IL1RAPL1: variants seen among roughly 807,000 people sequenced by gnomAD.
IL1RAPL1 encodes the protein interleukin-1 receptor accessory protein-like 1.
A neutral mutation model predicts 48.4 loss-of-function variants in IL1RAPL1; 3 were observed. That is an observed-to-expected ratio of 0.06 (90% CI 0.03 to 0.16). The LOEUF (loss-of-function observed/expected upper bound fraction) is 0.16, where lower values mean the gene tolerates loss of function less well. Ranked by LOEUF, IL1RAPL1 falls within the 10% of genes least tolerant of loss-of-function variation. The pLI is 1.00. For synonymous variants in IL1RAPL1, 185 were observed against 187.7 expected (o/e 0.99, Z 0.12); for missense variants, 349 against 530.6 (o/e 0.66, Z 3.36).
At chrX:28,690,697 C>T (rs1286767734) in intron 1 of IL1RAPL1, among the ~76,000 whole-genome samples, 1 of 111,419 alleles carries the variant, frequency 9.0e-6, no homozygotes, top group African/African-American at 3.3e-5. Context: ...CCCAGCAAAC[C>T]TCATCCTCTC....
intron 2 of IL1RAPL1, among the ~76,000 whole-genome samples, chrX:29,064,657 C>T (rs1387967761): frequency 5.4e-5 from 6 of 111,571 alleles, no homozygotes; most frequent in South Asian, 3.8e-4. Flanking sequence ...TCTCGGCTCA[C>T]GGCAACCTCC....
chrX:28,816,553 T>C (rs1446875062), intron 2 of IL1RAPL1, among the ~76,000 whole-genome samples: 1 of 111,206 alleles, frequency 9.0e-6, no homozygotes, highest in African/African-American at 3.3e-5. Flanking sequence ...CAGCTGCCTC[T>C]ACATTGCTGA....
intron 2 of IL1RAPL1, among the ~76,000 whole-genome samples, chrX:28,904,341 A>T (rs1923161890): frequency 8.9e-6 from 1 of 111,862 alleles, no homozygotes; most frequent in African/African-American, 3.2e-5. Flanking sequence ...TTGGAATGGT[A>T]TATATAACGA....
chrX:29,620,026 A>G (rs764396117), intron 5 of IL1RAPL1, among the ~76,000 whole-genome samples: 6 of 111,722 alleles, frequency 5.4e-5, no homozygotes, highest in African/African-American at 1.6e-4. Context: ...AGCCTATTGG[A>G]TATGGTGGAA....
At chrX:28,718,500 A>G (rs1261910529) in intron 1 of IL1RAPL1, among the ~76,000 whole-genome samples, 1 of 111,569 alleles carries the variant, frequency 9.0e-6, no homozygotes, top group Non-Finnish European at 1.9e-5. Flanking sequence ...TTTGAATTAA[A>G]AGACTATGAT....
At chrX:29,484,642 G>A (rs1935078109) in intron 5 of IL1RAPL1, among the ~76,000 whole-genome samples, 1 of 111,638 alleles carries the variant, frequency 9.0e-6, no homozygotes, top group African/African-American at 3.3e-5. Context: ...TCTGAGTAGA[G>A]AGTTAAAGGA....
At chrX:29,139,349 T>TA (rs11453981) in intron 2 of IL1RAPL1, among the ~76,000 whole-genome samples, 21,103 of 105,367 alleles carry the variant, frequency 0.2, 1,841 homozygotes, top group African/African-American at 0.31. Flanking sequence ...TGGAAAAGGG[T>TA]AAAAAAAAAA....
chrX:28,764,595 T>C (rs1261550726), intron 1 of IL1RAPL1, among the ~76,000 whole-genome samples: 1 of 111,365 alleles, frequency 9.0e-6, no homozygotes, highest in East Asian at 2.8e-4. Flanking sequence ...ACATATTCTA[T>C]GTGTACATAT....
At chrX:28,930,827 G>GA (rs1165037326) in intron 2 of IL1RAPL1, among the ~76,000 whole-genome samples, 1 of 110,605 alleles carries the variant, frequency 9.0e-6, no homozygotes, top group Admixed American at 9.7e-5. Flanking sequence ...ATTTTTGGTA[G>GA]AGACGGGGTT....
At chrX:28,629,245 C>T (rs1192152117) in intron 1 of IL1RAPL1, among the ~76,000 whole-genome samples, 1 of 111,294 alleles carries the variant, frequency 9.0e-6, no homozygotes, top group Non-Finnish European at 1.9e-5. Flanking sequence ...AAAGAAAAGG[C>T]GCCCTTGTTT....
intron 2 of IL1RAPL1, among the ~76,000 whole-genome samples, chrX:29,223,869 A>G (rs767489918): frequency 3.6e-5 from 4 of 111,114 alleles, no homozygotes; most frequent in South Asian, 3.9e-4. Context: ...TTGCCTTTCA[A>G]TATAACTGGT....
At chrX:29,455,306 G>A (rs1376562719) in intron 5 of IL1RAPL1, among the ~76,000 whole-genome samples, 1 of 111,808 alleles carries the variant, frequency 8.9e-6, no homozygotes, top group Non-Finnish European at 1.9e-5. Context: ...CATTTCTTTA[G>A]TTTTTGTTTT....
chrX:28,965,737 C>T (rs539396294), intron 2 of IL1RAPL1, among the ~76,000 whole-genome samples: 3 of 111,896 alleles, frequency 2.7e-5, no homozygotes, highest in Admixed American at 9.5e-5. Context: ...GCAATCTGTG[C>T]GCTCTTAGTG....
chrX:28,948,537 G>T (rs1003413333), intron 2 of IL1RAPL1, among the ~76,000 whole-genome samples: 1 of 111,359 alleles, frequency 9.0e-6, no homozygotes, highest in African/African-American at 3.3e-5. Context: ...CACTTTATCT[G>T]AGTGCCACTG....
chrX:29,352,023 A>G (rs1170875125), intron 3 of IL1RAPL1, among the ~76,000 whole-genome samples: 1 of 111,979 alleles, frequency 8.9e-6, no homozygotes. Context: ...ATTATTTATT[A>G]TATTTTTCAT....
intron 3 of IL1RAPL1, among the ~76,000 whole-genome samples, chrX:29,395,948 G>C (rs1488956241): frequency 1.8e-5 from 2 of 112,170 alleles, no homozygotes; most frequent in Admixed American, 9.4e-5. Context: ...ACTTTATTCT[G>C]GACCTAAATC....
chrX:28,648,849 G>A, intron 1 of IL1RAPL1, among the ~76,000 whole-genome samples: 1 of 111,876 alleles, frequency 8.9e-6, no homozygotes, highest in Non-Finnish European at 1.9e-5. Flanking sequence ...GAAACTCAGG[G>A]AAAGTAATGA....
intron 5 of IL1RAPL1, among the ~76,000 whole-genome samples, chrX:29,470,244 C>T (rs946920626): frequency 8.9e-6 from 1 of 111,854 alleles, no homozygotes; most frequent in Non-Finnish European, 1.9e-5. Context: ...AGAAATGTCT[C>T]ACTCTCCTAA....
chrX:29,468,007 C>A (rs1316716962), intron 5 of IL1RAPL1, among the ~76,000 whole-genome samples: 5 of 111,073 alleles, frequency 4.5e-5, no homozygotes, highest in Admixed American at 1.9e-4. Flanking sequence ...ATTACAGGTG[C>A]CTGCCACCAC....
Sources: gnomAD v4.1 joint callset for allele counts (sites outside exome capture counted in the v4.1 genomes callset) on GRCh38, gnomAD v4.1.1 for gene constraint, MANE v1.5 for transcripts, NCBI Gene and HGNC (gene_info 2026-07-23, HGNC 2026-07-21) for gene names.